Variants in PTCHD4 observed in about 807,000 individuals in gnomAD.
PTCHD4 encodes the protein patched domain-containing protein 4.
A neutral mutation model predicts 58.1 loss-of-function variants in PTCHD4; 33 were observed. The ratio of observed to expected loss-of-function variants is 0.57; its 90% confidence interval spans 0.43 to 0.76. The LOEUF is 0.76. Ranked by LOEUF, PTCHD4 falls within the 30% of genes least tolerant of loss-of-function variation. The pLI is 0.00. For synonymous variants in PTCHD4, 478 were observed against 409.6 expected, an observed-to-expected ratio of 1.17 and a Z score of -2.02; for missense variants, 1,058 against 1,027.1, an observed-to-expected ratio of 1.03 and a Z score of -0.41.
chr6:48,040,538 T>A (rs1763808927), intron 3 of PTCHD4, among the ~76,000 whole-genome samples: 1 of 152,108 alleles, frequency 6.6e-6, no homozygotes, highest in Admixed American at 6.6e-5. Context: ...AATCATCAGT[T>A]GTAAATTTGA....
chr6:48,110,631 CCACACACACACACACA>C (rs367594403), intron 1 of PTCHD4, among the ~76,000 whole-genome samples: 3 of 139,272 alleles, frequency 2.2e-5, no homozygotes, highest in African/African-American at 7.8e-5. Context: ...GATGGTTTTA[CCACACACACACACACA>C]CACACACACA....
chr6:47,947,617 T>G (rs1310552324), intron 4 of PTCHD4, among the ~76,000 whole-genome samples: 1 of 152,206 alleles, frequency 6.6e-6, no homozygotes, highest in Non-Finnish European at 1.5e-5. Flanking sequence ...GATAATTGTA[T>G]TCTACCATGC....
chr6:47,971,273 TA>T (rs1409292190), intron 4 of PTCHD4, among the ~76,000 whole-genome samples: 2 of 151,760 alleles, frequency 1.3e-5, no homozygotes, highest in East Asian at 3.9e-4. Context: ...ATCAGACGAT[TA>T]AAAAAGGAAC....
At chr6:47,948,148 T>C (rs1042459008) in intron 4 of PTCHD4, among the ~76,000 whole-genome samples, 8 of 152,160 alleles carry the variant, frequency 5.3e-5, no homozygotes, top group African/African-American at 1.9e-4. Context: ...CAAGCTCACA[T>C]TGTTGTCAGT....
At chr6:48,031,890 TAAG>T (rs1763458172) in intron 3 of PTCHD4, among the ~76,000 whole-genome samples, 1 of 152,110 alleles carries the variant, frequency 6.6e-6, no homozygotes, top group African/African-American at 2.4e-5. Context: ...ATTCAGATCC[TAAG>T]AATAGTTTTC....
chr6:48,060,648 A>AT (rs775062062), intron 3 of PTCHD4, among the ~76,000 whole-genome samples: 2 of 151,812 alleles, frequency 1.3e-5, no homozygotes, highest in African/African-American at 4.8e-5. Context: ...TAATTTCTGT[A>AT]TTTTTTCATA....
intron 3 of PTCHD4, among the ~76,000 whole-genome samples, chr6:48,037,304 G>T (rs997630962): frequency 1.3e-5 from 2 of 152,162 alleles, no homozygotes; most frequent in South Asian, 2.1e-4. Flanking sequence ...CTTTATCATA[G>T]GTATGTATGT....
chr6:48,032,675 G>A (rs1409170474), intron 3 of PTCHD4, among the ~76,000 whole-genome samples: 2 of 152,082 alleles, frequency 1.3e-5, no homozygotes, highest in South Asian at 2.1e-4. Context: ...GTCCATTAAA[G>A]CTACAGTATT....
At chr6:48,012,178 C>T (rs187412555) in intron 3 of PTCHD4, among the ~76,000 whole-genome samples, 1 of 152,122 alleles carries the variant, frequency 6.6e-6, no homozygotes, top group Non-Finnish European at 1.5e-5. Context: ...GCCATTTTCA[C>T]AATATTGATT....
rs1417676571 is a variant in PTCHD4, at chr6:47,878,717, G to T, written c.2118C>A (p.Asp706Glu). 3.1e-6 allele frequency: 5 copies of T among 1,613,444 alleles called. No homozygotes were observed. Among genetic ancestry groups the T allele is most frequent in the Admixed American group, 1.7e-5 (1 of 59,876 alleles). ...VLGLMTLWNV[D>E]MDCISILCLI... ...GGCACAAGATAGAAATGCAATCCAT[G>T]TCGACGTTCCATAATGTCATTAAGC... The change falls in exon 5 of 5, where the codon GAC (aspartate) becomes GAA (glutamate). Residue 706 changes from aspartate (D) to glutamate (E), a missense_variant. Transcript: ENST00000339488.
intron 3 of PTCHD4, among the ~76,000 whole-genome samples, chr6:48,040,380 A>G (rs904883871): frequency 6.6e-6 from 1 of 152,086 alleles, no homozygotes; most frequent in African/African-American, 2.4e-5. Flanking sequence ...TACAGGAAGC[A>G]TAGTCACCAT....
rs143539672 is a variant in PTCHD4 at position 47,895,503 on chromosome 6, A to G, written c.899-15567T>C. Among the ~76,000 whole-genome samples the G allele has an allele frequency of 6.6e-4, 100 of 152,352 alleles. 1 individual carries two copies. In the East Asian group the frequency reaches 0.016, roughly 25 times the overall value. ...GATTTCTCAAGAGGTAGATTAGTTA[A>G]CATTGACATGGGAATCTTCAATAAG... is the stretch of plus-strand genomic sequence containing the variant. On this transcript the variant is annotated intron_variant, in intron 4 of 4. Transcript: ENST00000339488.
chr6:48,012,397 G>A (rs1347482123), intron 3 of PTCHD4, among the ~76,000 whole-genome samples: 1 of 152,154 alleles, frequency 6.6e-6, no homozygotes, highest in Non-Finnish European at 1.5e-5. Flanking sequence ...GTATAGGAAT[G>A]CTTGTGATTT....
At chr6:48,038,826 A>G (rs1330610134) in intron 3 of PTCHD4, among the ~76,000 whole-genome samples, 1 of 152,164 alleles carries the variant, frequency 6.6e-6, no homozygotes, top group African/African-American at 2.4e-5. Flanking sequence ...TTGTTTTCAA[A>G]TAGAGCCACA....
intron 4 of PTCHD4, among the ~76,000 whole-genome samples, chr6:47,895,822 T>C (rs560809796): frequency 1.1e-4 from 17 of 152,218 alleles, no homozygotes; most frequent in African/African-American, 3.9e-4. Flanking sequence ...ATACTGGAGA[T>C]AGTAGCATGG....
intron 3 of PTCHD4, among the ~76,000 whole-genome samples, chr6:48,034,830 T>G (rs1057452895): frequency 1.3e-5 from 2 of 152,122 alleles, no homozygotes; most frequent in Non-Finnish European, 2.9e-5. Flanking sequence ...GATTAAGAGA[T>G]AAAATGTCTT....
chr6:47,921,851 C>G (rs943313705), intron 4 of PTCHD4, among the ~76,000 whole-genome samples: 1 of 151,336 alleles, frequency 6.6e-6, no homozygotes, highest in African/African-American at 2.4e-5. Flanking sequence ...TGGCTCATGC[C>G]TATAATTCCA....
intron 4 of PTCHD4, among the ~76,000 whole-genome samples, chr6:47,940,545 T>C (rs1227868922): frequency 6.6e-6 from 1 of 152,212 alleles, no homozygotes; most frequent in African/African-American, 2.4e-5. Context: ...CATTAGCCTT[T>C]CTAGGTCATT....
chr6:47,877,063 TC>T lies in PTCHD4; in HGVS notation c.*1239del, dbSNP rs1418344877. Among the ~76,000 whole-genome samples the T allele has an allele frequency of 2.0e-5, 3 of 151,982 alleles. No homozygotes were observed. Among genetic ancestry groups the T allele is most frequent in the Admixed American group, 2.0e-4 (3 of 15,226 alleles). ...ATAGTGATCATGGCCTGGGTTATGT[TC>T]CAAATACTAATGCAAGGAATACACT... On this transcript the variant is annotated 3_prime_UTR_variant, in exon 5 of 5. Transcript: ENST00000339488.
Sources: gnomAD v4.1 joint callset for allele counts (sites outside exome capture counted in the v4.1 genomes callset) on GRCh38, gnomAD v4.1.1 for gene constraint, MANE v1.5 for transcripts, NCBI Gene and HGNC (gene_info 2026-07-23, HGNC 2026-07-21) for gene names.